The following TVP23C variants were observed in gnomAD, a reference collection of about 807,000 sequenced individuals.
The protein encoded by TVP23C is Golgi apparatus membrane protein TVP23 homolog C.
In TVP23C, 19 loss-of-function variants were observed where a neutral mutation model predicts 28.7. The observed-to-expected ratio is 0.66, with a 90% confidence interval of 0.46 to 0.97. The LOEUF (loss-of-function observed/expected upper bound fraction) is 0.97, where lower values mean the gene tolerates loss of function less well. Ranked by LOEUF, TVP23C falls within the 50% of genes least tolerant of loss-of-function variation. TVP23C has a pLI of 0.00. For missense variants in TVP23C, 186 were observed against 241.3 expected, an observed-to-expected ratio of 0.77 and a Z score of 1.52; for synonymous variants, 68 against 81.7, an observed-to-expected ratio of 0.83 and a Z score of 0.90.
At position 15,538,535 on chromosome 17, in the gene TVP23C, A is replaced by G. The variant is rs1271631233; in HGVS notation, c.*1877T>C. ...AACCCGGGAGGTGGAGTTTGCAGTG[A>G]GCCGAGATCGCGCCACTGCACTCCA... On this transcript the variant is annotated 3_prime_UTR_variant, in exon 6 of 6. Coordinates refer to ENST00000518321, the MANE Select transcript of TVP23C (RefSeq NM_001135036.2). 1.1e-6 allele frequency: 1 copy of G among 884,446 alleles called. No individual in the cohort carries two copies. The highest frequency in any genetic ancestry group is 1.4e-6 in the Non-Finnish European group (1 of 737,674). 54.8% of individuals were successfully genotyped at this position (884,446 alleles called of 1,614,324 possible). A position where few individuals can be genotyped will look rare whatever the true frequency, so the allele number is the denominator to read the frequency against.
intron 1 of TVP23C, among the ~76,000 whole-genome samples, chr17:15,561,783 G>C (rs992908211): frequency 6.6e-6 from 1 of 152,216 alleles, no homozygotes; most frequent in Non-Finnish European, 1.5e-5. Flanking sequence ...TGGGTAAAAT[G>C]AGGCTGAAAC....
rs144305250 is a variant in TVP23C at position 15,506,771 on chromosome 17, C to T, written c.463-3539G>A. ...CATCAGAAGGAACAAACTCCAGACG[C>T]GCCACCTTAAGAGCTGTAACACTCA... On this transcript the variant is annotated intron_variant, in intron 5 of 5. Coordinates refer to the TVP23C transcript ENST00000225576. The T allele has an allele frequency of 5.5e-4, 231 of 423,220 alleles. 1 individual carries two copies. Among genetic ancestry groups the T allele is most frequent in the African/African-American group, 4.2e-3 (207 of 48,854 alleles). 26.2% of individuals were successfully genotyped at this position (423,220 alleles called of 1,614,324 possible). A position where few individuals can be genotyped will look rare whatever the true frequency, so the allele number is the denominator to read the frequency against.
At chr17:15,514,037 G>A (rs184608394) in intron 5 of TVP23C, among the ~76,000 whole-genome samples, 22 of 152,266 alleles carry the variant, frequency 1.4e-4, no homozygotes, top group African/African-American at 3.9e-4. Context: ...AGCATCCTCC[G>A]CACGCTTCCA....
chr17:15,509,158 T>C (rs1165888101), intron 5 of TVP23C, among the ~76,000 whole-genome samples: 1 of 152,132 alleles, frequency 6.6e-6, no homozygotes, highest in Non-Finnish European at 1.5e-5. Context: ...TCTGATCTGG[T>C]TTCAGGGAGG....
chr17:15,552,584 T>C (rs1983943018), intron 3 of TVP23C, among the ~76,000 whole-genome samples: 1 of 151,678 alleles, frequency 6.6e-6, no homozygotes, highest in African/African-American at 2.4e-5. Flanking sequence ...CTCGGGAGTC[T>C]GAGGCAGGAG....
chr17:15,519,684 G>A (rs984685737), intron 5 of TVP23C, among the ~76,000 whole-genome samples: 5 of 152,160 alleles, frequency 3.3e-5, no homozygotes, highest in African/African-American at 9.7e-5. Flanking sequence ...GCCGAGGTGG[G>A]TGGATCATGA....
chr17:15,522,567 T>C (rs191480796), intron 5 of TVP23C, among the ~76,000 whole-genome samples: 11 of 152,320 alleles, frequency 7.2e-5, no homozygotes, highest in African/African-American at 2.6e-4. Context: ...CCTACTTCAG[T>C]CTATATGCCA....
intron 5 of TVP23C, among the ~76,000 whole-genome samples, chr17:15,515,104 C>A (rs897446889): frequency 6.6e-6 from 1 of 152,038 alleles, no homozygotes; most frequent in Admixed American, 6.6e-5. Flanking sequence ...GGTGCCCATA[C>A]CCACAGTGGG....
At chr17:15,504,521 T>G (rs1981635834) in intron 5 of TVP23C, among the ~76,000 whole-genome samples, 1 of 152,090 alleles carries the variant, frequency 6.6e-6, no homozygotes, top group Admixed American at 6.6e-5. Context: ...GCTTTGGAAA[T>G]CAGCTGCAGT....
chr17:15,545,297 C>T (rs58128755), intron 5 of TVP23C, among the ~76,000 whole-genome samples: 2 of 146,424 alleles, frequency 1.4e-5, no homozygotes, highest in Non-Finnish European at 3.0e-5. Context: ...AAGCCCAAAC[C>T]AAGGCACATG....
chr17:15,561,805 C>T (rs977209671), intron 1 of TVP23C, among the ~76,000 whole-genome samples: 7 of 152,174 alleles, frequency 4.6e-5, no homozygotes, highest in African/African-American at 1.4e-4. Context: ...TACTGGGCTG[C>T]ATTCCCAGAC....
intron 5 of TVP23C, among the ~76,000 whole-genome samples, chr17:15,515,491 G>A (rs1165290058): frequency 1.3e-5 from 2 of 152,172 alleles, no homozygotes; most frequent in African/African-American, 2.4e-5. Context: ...AGGCCCAGTT[G>A]GGAGCCTGAG....
At chr17:15,560,729 G>A (rs562729577) in intron 1 of TVP23C, among the ~76,000 whole-genome samples, 14 of 147,806 alleles carry the variant, frequency 9.5e-5, no homozygotes, top group African/African-American at 3.4e-4. Context: ...CTAATTTGTT[G>A]TTTTTCAGTA....
intron 5 of TVP23C, among the ~76,000 whole-genome samples, chr17:15,506,464 A>T (rs926097846): frequency 6.6e-6 from 1 of 152,186 alleles, no homozygotes; most frequent in Non-Finnish European, 1.5e-5. Context: ...CGCCCTGACA[A>T]AACAGGCCAC....
intron 5 of TVP23C, chr17:15,503,614 C>A (rs1247749179): frequency 6.4e-6 from 1 of 157,450 alleles, no homozygotes; most frequent in East Asian, 1.9e-4. Flanking sequence ...ATGTCAAATT[C>A]TTTGAAGGAT....
At chr17:15,526,642 C>T (rs983168570) in intron 5 of TVP23C, among the ~76,000 whole-genome samples, 5 of 152,184 alleles carry the variant, frequency 3.3e-5, no homozygotes, top group Non-Finnish European at 5.9e-5. Context: ...ACCATCATTT[C>T]TTACTAAACC....
At position 15,538,642 on chromosome 17, in the gene TVP23C, TG is replaced by T; in HGVS notation, c.*1769del. 2.0e-6 allele frequency: 2 copies of T among 985,362 alleles called. No individual in the cohort carries two copies. Among genetic ancestry groups the T allele is most frequent in the Non-Finnish European group, 2.4e-6 (2 of 829,910 alleles). The allele number at this position is 985,362 out of a possible 1,614,324, so 61.0% of individuals were successfully genotyped here. A position where few individuals can be genotyped will look rare whatever the true frequency, so the allele number is the denominator to read the frequency against. Reference sequence around the variant, plus strand: ...GACATGCGCTAATGAAGTAAATCCATGGATACCATCATCCACCCAGCTGTCC... The same window carrying T: ...GACATGCGCTAATGAAGTAAATCCATGATACCATCATCCACCCAGCTGTCC... On this transcript the variant is annotated 3_prime_UTR_variant, in exon 6 of 6. Coordinates refer to ENST00000518321, the MANE Select transcript of TVP23C (RefSeq NM_001135036.2).
chr17:15,509,459 T>C (rs1244661550), intron 5 of TVP23C, among the ~76,000 whole-genome samples: 2 of 152,248 alleles, frequency 1.3e-5, no homozygotes, highest in Non-Finnish European at 1.5e-5. Flanking sequence ...CCGCACCTTC[T>C]TTCCAAGTGG....
chr17:15,539,752 G>A lies in TVP23C; in HGVS notation c.*660C>T. 4 of 985,026 alleles carry A rather than the reference G, an allele frequency of 4.1e-6. No homozygotes were observed. Among genetic ancestry groups the A allele is most frequent in the Non-Finnish European group, 3.6e-6 (3 of 829,694 alleles). The allele number at this position is 985,026 out of a possible 1,614,324, so 61.0% of individuals were successfully genotyped here. ...GTTCTAGGGGGAAAAAAACATCTGA[G>A]TACAAATGTTATGGTCTTCTTGTGA... On this transcript the variant is annotated 3_prime_UTR_variant, in exon 6 of 6. Transcript: ENST00000518321.
Sources: allele counts gnomAD v4.1 joint callset (sites outside exome capture counted in the v4.1 genomes callset), GRCh38; gene constraint gnomAD v4.1.1; transcripts MANE v1.5; gene names NCBI Gene and HGNC (gene_info 2026-07-23, HGNC 2026-07-21).